HMGB3: variants seen among roughly 807,000 people sequenced by gnomAD.
The protein encoded by HMGB3 is high mobility group protein B3.
A neutral mutation model predicts 12.9 loss-of-function variants in HMGB3; 1 was observed. The observed-to-expected ratio is 0.08, with a 90% CI of 0.03 to 0.37. The LOEUF (loss-of-function observed/expected upper bound fraction) is 0.37, where lower values mean the gene tolerates loss of function less well. Ranked by LOEUF, HMGB3 falls within the 10% of genes least tolerant of loss-of-function variation. HMGB3 has a pLI of 0.99. For missense variants in HMGB3, 74 were observed against 153.3 expected, an observed-to-expected ratio of 0.48 and a Z score of 2.73; for synonymous variants, 61 against 53.9, an observed-to-expected ratio of 1.13 and a Z score of -0.57.
intron 3 of HMGB3, 106 bp downstream of exon 3, chrX:150,986,296 A>T: frequency 3.0e-6 from 2 of 662,804 alleles, no homozygotes; most frequent in Non-Finnish European, 4.3e-6. Flanking sequence ...AATATTTTTT[A>T]AAAGATACTT....
In HMGB3 at chrX:150,984,577, G is replaced by T. The variant is rs1336570348; in HGVS notation, c.-5-1018G>T. ...GCGTCCCCCGGGGATGACAGCGGCG[G>T]ATTTCAGGGGCACTTTCTTTCATCA... is the stretch of plus-strand genomic sequence containing the variant. On this transcript the variant is annotated intron_variant, in intron 1 of 4. Coordinates refer to ENST00000325307, the MANE Select transcript of HMGB3 (RefSeq NM_005342.4). 7.2e-5 allele frequency: 54 copies of T among 746,555 alleles called. No homozygotes were observed. In the South Asian group the frequency reaches 3.2e-3, roughly 44 times the overall value. 61.5% of individuals were successfully genotyped at this position (746,555 alleles called of 1,213,427 possible).
rs1557425297 is a variant in HMGB3 at position 150,987,902 on chromosome X, G to C, written c.591G>C (p.Glu197Asp). The C allele has an allele frequency of 8.4e-7, 1 of 1,192,327 alleles. No individual in the cohort carries two copies. The highest frequency in any genetic ancestry group is 2.2e-5 in the Admixed American group (1 of 45,389). The change falls in exon 5 of 5, where the codon GAG (glutamate) becomes GAC (aspartate). Residue 197 changes from glutamate (E) to aspartate (D), a missense_variant. Glu to Asp is a conservative substitution (Grantham distance 45). Coordinates refer to ENST00000325307, the MANE Select transcript of HMGB3 (RefSeq NM_005342.4). ...EEEEEEEEEE[E>D]EDE is the part of the protein sequence containing the mutation. ...AGGAAGAAGAGGAGGAGGAGGAGGAGGAGGATGAATAAAGAAACTGTTTAT... is the reference window on the plus strand; with the variant it reads ...AGGAAGAAGAGGAGGAGGAGGAGGACGAGGATGAATAAAGAAACTGTTTAT...
rs1395851751 is a variant in HMGB3 at position 150,989,702 on chromosome X, G to A, written c.*1788G>A. 8.9e-6 allele frequency: 1 copy of A among 111,752 alleles called. No individual in the cohort carries two copies. The highest frequency in any genetic ancestry group is 1.9e-5 in the Non-Finnish European group (1 of 53,181). The allele number at this position is 111,752 out of a possible 1,213,427, so 9.2% of individuals were successfully genotyped here. ...TGTGTTGTGGGTGAGTGTTGCTATTGCCCAGCATTAATATTTGGGTGTGTA... is the reference window on the plus strand; with the variant it reads ...TGTGTTGTGGGTGAGTGTTGCTATTACCCAGCATTAATATTTGGGTGTGTA... On this transcript the variant is annotated 3_prime_UTR_variant, in exon 5 of 5. Transcript: ENST00000325307.
intron 1 of HMGB3, among the ~76,000 whole-genome samples, chrX:150,984,090 C>T (rs1163537787): frequency 2.0e-5 from 2 of 100,166 alleles, no homozygotes; most frequent in South Asian, 8.9e-4. Context: ...CGCTGGCCTC[C>T]GGCGAGGGCA....
At chrX:150,986,532 C>T (rs1399320894) in intron 3 of HMGB3, among the ~76,000 whole-genome samples, 1 of 108,644 alleles carries the variant, frequency 9.2e-6, no homozygotes, top group Non-Finnish European at 1.9e-5. Flanking sequence ...GGGACAGCAC[C>T]ATATATATAT....
chrX:150,982,917 A>AGCTGACTGCAGGCCAGGGGC (rs1455481596), upstream of HMGB3, among the ~76,000 whole-genome samples: 4 of 112,623 alleles, frequency 3.6e-5, no homozygotes, highest in East Asian at 1.1e-3. Flanking sequence ...CGGGCAGGGG[A>AGCTGACTGCAGGCCAGGGGC]GCTGACTGCA....
chrX:150,981,584 C>T (rs782716819), upstream of HMGB3, among the ~76,000 whole-genome samples: 1 of 109,205 alleles, frequency 9.2e-6, no homozygotes, highest in Non-Finnish European at 1.9e-5. Flanking sequence ...ATTCTCCTGC[C>T]TCAGCCTCCT....
rs1557425327 is a variant in HMGB3 at position 150,988,752 on chromosome X, A to G, written c.*838A>G. On this transcript the variant is annotated 3_prime_UTR_variant, in exon 5 of 5. Transcript: ENST00000325307. ...GAAATGTTTTTGAAGTTAAATAAAC[A>G]GTATTACATTTTTAAAACTCTTCTC... is the stretch of plus-strand genomic sequence containing the variant. The G allele has an allele frequency of 1.8e-5, 2 of 112,284 alleles. No homozygotes were observed. The highest frequency in any genetic ancestry group is 3.8e-5 in the Non-Finnish European group (2 of 53,242). 9.3% of individuals were successfully genotyped at this position (112,284 alleles called of 1,213,427 possible).
chrX:150,985,883 T>A, intron 2 of HMGB3, 134 bp downstream of exon 2: 2 of 846,199 alleles, frequency 2.4e-6, no homozygotes, highest in Non-Finnish European at 3.4e-6. Context: ...TTGCTTGTCT[T>A]AAGAATTTTG....
chrX:150,986,594 C>A (rs1217989434), intron 3 of HMGB3, among the ~76,000 whole-genome samples: 1 of 108,656 alleles, frequency 9.2e-6, no homozygotes, highest in Non-Finnish European at 1.9e-5. Flanking sequence ...ACACAGAGCA[C>A]CATATATATA....
chrX:150,983,521 A>G, intron 1 of HMGB3, 145 bp downstream of exon 1: 1 of 725,523 alleles, frequency 1.4e-6, no homozygotes, highest in Non-Finnish European at 1.6e-6. Context: ...CCCTGCCTCT[A>G]CTCCCCATTC....
At chrX:150,985,007 C>T (rs1378255129) in intron 1 of HMGB3, among the ~76,000 whole-genome samples, 5 of 111,792 alleles carry the variant, frequency 4.5e-5, no homozygotes, top group Admixed American at 9.4e-5. Context: ...ACTAATAGTA[C>T]GGGGGTACCT....
At chrX:150,981,489 T>C (rs1363466697), upstream of HMGB3, among the ~76,000 whole-genome samples, 5 of 101,865 alleles carry the variant, frequency 4.9e-5, no homozygotes, top group Non-Finnish European at 8.0e-5. Flanking sequence ...TTTTTTTTTT[T>C]TTCGGAGTCT....
intron 1 of HMGB3, 59 bp from the exon 2 acceptor site, chrX:150,985,536 T>A: frequency 1.0e-6 from 1 of 994,235 alleles, no homozygotes; most frequent in Admixed American, 2.7e-5. Context: ...GTCTTGTACT[T>A]CTTGTCAATT....
At chrX:150,987,327 C>T (rs1448052301) in intron 4 of HMGB3, 25 bp downstream of exon 4, 10 of 1,168,245 alleles carry the variant, frequency 8.6e-6, no homozygotes, top group Non-Finnish European at 1.2e-5. Context: ...GAAGCCTGGA[C>T]TGGTGAACAG....
In HMGB3 at chrX:150,990,586, C is replaced by T. The variant is rs2124452761; in HGVS notation, c.*2672C>T. ...TTTTCCCCCATTTAAAAGGATAGTA[C>T]CTACTCCCTCTAACCACCTCACCCC... On this transcript the variant is annotated 3_prime_UTR_variant, in exon 5 of 5. Coordinates refer to ENST00000325307, the MANE Select transcript of HMGB3 (RefSeq NM_005342.4). The T allele has an allele frequency of 9.2e-6, 1 of 108,209 alleles. No individual in the cohort carries two copies. Among genetic ancestry groups the T allele is most frequent in the Admixed American group, 9.9e-5 (1 of 10,061 alleles). 8.9% of individuals were successfully genotyped at this position (108,209 alleles called of 1,213,427 possible). A position where few individuals can be genotyped will look rare whatever the true frequency, so the allele number is the denominator to read the frequency against.
At position 150,987,840 on chromosome X, in the gene HMGB3, C is replaced by T. The variant is rs372194723; in HGVS notation, c.529C>T (p.Arg177Trp). The T allele has an allele frequency of 1.0e-5, 12 of 1,199,671 alleles. No homozygotes were observed. The highest frequency in any genetic ancestry group is 7.1e-5 in the African/African-American group (4 of 56,235). ...DGAKGPAKVA[R>W]KKVEEEDEEE... ...TGCAAAGGGTCCTGCTAAAGTTGCC[C>T]GGAAAAAGGTGGAAGAGGAAGATGA... Residue 177 changes from arginine (R) to tryptophan (W), a missense_variant, in exon 5 of 5, where the codon CGG (arginine) becomes TGG (tryptophan). Coordinates refer to ENST00000325307, the MANE Select transcript of HMGB3 (RefSeq NM_005342.4).
intron 1 of HMGB3, among the ~76,000 whole-genome samples, chrX:150,985,157 G>T (rs947411904): frequency 3.6e-5 from 4 of 111,801 alleles, no homozygotes; most frequent in African/African-American, 1.3e-4. Flanking sequence ...AAGAGTTGTT[G>T]TTTTTAATTG....
chrX:150,986,660 T>C (rs1312623498), intron 3 of HMGB3, among the ~76,000 whole-genome samples: 3 of 111,297 alleles, frequency 2.7e-5, no homozygotes, highest in African/African-American at 9.8e-5. Context: ...CACGCATACA[T>C]ATTTGAGATG....
Sources: gnomAD v4.1 joint callset for allele counts (sites outside exome capture counted in the v4.1 genomes callset) on GRCh38, gnomAD v4.1.1 for gene constraint, MANE v1.5 for transcripts, NCBI Gene and HGNC (gene_info 2026-07-23, HGNC 2026-07-21) for gene names.